Variants in PCDHA5 observed in about 807,000 individuals in gnomAD.
The protein encoded by PCDHA5 is protocadherin alpha 5, also known as protocadherin alpha-5.
In PCDHA5, 43 loss-of-function variants were observed where a neutral mutation model predicts 61.6. The observed-to-expected ratio is 0.70, with a 90% CI of 0.55 to 0.90. The LOEUF is 0.90. Among genes scored for constraint, PCDHA5 ranks in the 40% least tolerant of loss-of-function variants. The pLI is 0.00. For synonymous variants in PCDHA5, 627 were observed against 543.9 expected, an observed-to-expected ratio of 1.15 and a Z score of -2.13; for missense variants, 1,298 against 1,222.7, an observed-to-expected ratio of 1.06 and a Z score of -0.92.
Position 140,823,713 on chromosome 5 carries a change from T to G in PCDHA5, c.1938T>G (p.Leu646=). 6.2e-7 allele frequency: 1 copy of G among 1,613,916 alleles called. No homozygotes were observed. The highest frequency in any genetic ancestry group is 1.7e-5 in the Admixed American group (1 of 60,032). Residue 646 remains leucine (L), a synonymous_variant, in exon 1 of 4, where the codon CTT becomes CTG. Coordinates refer to ENST00000529859, the MANE Select transcript of PCDHA5 (RefSeq NM_018908.3). ...AGACCGAAGCACCGCGCCACCGCCT[T>G]CTGGTGCTGGTGAAGGACCATGGAG... The part of the protein sequence containing the change: ...LDETEAPRHR[L]LVLVKDHGEP...
At chr5:140,830,655 T>C in intron 1 of PCDHA5, 2 of 431,072 alleles carry the variant, frequency 4.6e-6, no homozygotes, top group Non-Finnish European at 7.5e-6. Flanking sequence ...TTAATATTCA[T>C]AATTTAAGTG....
intron 1 of PCDHA5, among the ~76,000 whole-genome samples, chr5:140,955,446 A>G (rs574900327): frequency 6.6e-6 from 1 of 152,194 alleles, no homozygotes; most frequent in Non-Finnish European, 1.5e-5. Context: ...TGATGGTTTT[A>G]TAAGGGCTTT....
chr5:140,851,095 T>C, intron 1 of PCDHA5: 1 of 1,289,772 alleles, frequency 7.8e-7, no homozygotes, highest in East Asian at 2.7e-5. Context: ...TAAATAGATA[T>C]TTTTTGGGTG....
chr5:140,925,612 G>A (rs895763627), intron 1 of PCDHA5, among the ~76,000 whole-genome samples: 2 of 150,356 alleles, frequency 1.3e-5, no homozygotes, highest in Non-Finnish European at 3.0e-5. Flanking sequence ...AAACCTGCAC[G>A]TTGTGCACAT....
chr5:140,895,841 C>T (rs1389575745), intron 1 of PCDHA5, among the ~76,000 whole-genome samples: 1 of 152,092 alleles, frequency 6.6e-6, no homozygotes, highest in Admixed American at 6.6e-5. Flanking sequence ...GACAAAGTCT[C>T]ACTCTTGTAC....
intron 1 of PCDHA5, among the ~76,000 whole-genome samples, chr5:140,921,914 TA>T (rs2080487852): frequency 6.6e-6 from 1 of 152,014 alleles, no homozygotes; most frequent in Admixed American, 6.6e-5. Context: ...TATTACATGA[TA>T]AAACTTATAG....
At chr5:140,861,743 C>T in intron 1 of PCDHA5, 1 of 152,806 alleles carries the variant, frequency 6.5e-6, no homozygotes, top group Non-Finnish European at 1.4e-5. Context: ...CATACTGTGC[C>T]GCAATGATTA....
intron 1 of PCDHA5, chr5:140,966,591 C>A (rs2096024240): frequency 1.7e-6 from 1 of 588,704 alleles, no homozygotes; most frequent in Non-Finnish European, 2.7e-6. Flanking sequence ...GACGGTGGGG[C>A]CAGGAGCCCT....
At position 140,821,780 on chromosome 5, in the gene PCDHA5, T is replaced by C. The variant is rs2150110627; in HGVS notation, c.5T>C (p.Val2Ala). M[V>A]YSRRGSLGSR... ...CATAATTGGAACGAGATTGAGATGG[T>C]ATATTCCCGGAGAGGAAGTCTGGGA... The change falls in exon 1 of 4, where the codon GTA becomes GCA. Residue 2 changes from valine to alanine, a missense_variant. Val to Ala is a moderately conservative substitution (Grantham distance 64). Transcript: ENST00000529859. 2 of 1,609,478 alleles carry C rather than the reference T, an allele frequency of 1.2e-6. No homozygotes were observed. The highest frequency in any genetic ancestry group is 1.7e-5 in the Admixed American group (1 of 59,668).
At chr5:140,946,871 A>G (rs952595827) in intron 1 of PCDHA5, among the ~76,000 whole-genome samples, 8 of 151,442 alleles carry the variant, frequency 5.3e-5, no homozygotes, top group Non-Finnish European at 8.9e-5. Flanking sequence ...AGGTTGGTCA[A>G]TGGGTACGAA....
At chr5:140,884,188 G>C in intron 1 of PCDHA5, 1 of 1,613,436 alleles carries the variant, frequency 6.2e-7, no homozygotes, top group Middle Eastern at 1.7e-4. Flanking sequence ...TGGACGAGGT[G>C]GACGCGCCGC....
chr5:140,856,038 A>G (rs2043738417), intron 1 of PCDHA5: 2 of 1,568,894 alleles, frequency 1.3e-6, no homozygotes, highest in Non-Finnish European at 1.7e-6. Context: ...GTAAAACAAG[A>G]GAAGGATAAG....
At chr5:140,927,167 C>G in intron 1 of PCDHA5, 3 of 1,614,164 alleles carry the variant, frequency 1.9e-6, no homozygotes, top group Non-Finnish European at 2.5e-6. Flanking sequence ...GCCAAAGCTG[C>G]CTGCGTCTTG....
intron 1 of PCDHA5, chr5:140,857,713 G>A (rs903592431): frequency 5.6e-6 from 9 of 1,597,320 alleles, no homozygotes; most frequent in Non-Finnish European, 7.7e-6. Flanking sequence ...TGTTCGTGCT[G>A]GACGAGAACG....
At chr5:140,952,885 A>G (rs1285549724) in intron 1 of PCDHA5, among the ~76,000 whole-genome samples, 1 of 152,174 alleles carries the variant, frequency 6.6e-6, no homozygotes, top group Non-Finnish European at 1.5e-5. Flanking sequence ...TCATGGTGGA[A>G]GGCAAAGGGG....
At chr5:141,008,108 T>C (rs2098361480) in intron 3 of PCDHA5, among the ~76,000 whole-genome samples, 1 of 152,138 alleles carries the variant, frequency 6.6e-6, no homozygotes, top group Non-Finnish European at 1.5e-5. Flanking sequence ...CTCATGAGAA[T>C]AAGTGTTTCA....
At chr5:140,988,366 G>A (rs1384658783) in intron 3 of PCDHA5, among the ~76,000 whole-genome samples, 2 of 152,122 alleles carry the variant, frequency 1.3e-5, no homozygotes, top group Non-Finnish European at 2.9e-5. Flanking sequence ...TTACTTTCTG[G>A]GGTTGTGAAA....
chr5:140,846,261 G>T (rs922886728), intron 1 of PCDHA5, among the ~76,000 whole-genome samples: 4 of 148,852 alleles, frequency 2.7e-5, no homozygotes, highest in Admixed American at 6.7e-5. Flanking sequence ...TTTTGATGAT[G>T]ATTTAAAGTC....
At chr5:140,940,508 G>A (rs1171264265) in intron 1 of PCDHA5, among the ~76,000 whole-genome samples, 2 of 151,902 alleles carry the variant, frequency 1.3e-5, no homozygotes, top group African/African-American at 4.8e-5. Context: ...CGTCGCTCAG[G>A]CGTGATCATA....
Sources: allele counts gnomAD v4.1 joint callset (sites outside exome capture counted in the v4.1 genomes callset), GRCh38; gene constraint gnomAD v4.1.1; transcripts MANE v1.5; gene names NCBI Gene and HGNC (gene_info 2026-07-23, HGNC 2026-07-21).